SH3TC2: variants seen among roughly 807,000 people sequenced by gnomAD.
SH3TC2 encodes SH3 domain and tetratricopeptide repeat-containing protein 2.
A neutral mutation model predicts 124.5 loss-of-function variants in SH3TC2; 87 were observed. The observed-to-expected ratio is 0.70, with a 90% CI of 0.59 to 0.84. The LOEUF (loss-of-function observed/expected upper bound fraction) is 0.84, where lower values mean the gene tolerates loss of function less well. SH3TC2 is among the 40% of genes least tolerant of loss of function. SH3TC2 has a pLI of 0.00. For missense variants in SH3TC2, 1,536 were observed against 1,566.4 expected, an observed-to-expected ratio of 0.98 and a Z score of 0.33; for synonymous variants, 634 against 628.5, an observed-to-expected ratio of 1.01 and a Z score of -0.13.
chr5:149,012,979 T>C (rs1198653823), intron 12 of SH3TC2, among the ~76,000 whole-genome samples: 2 of 152,170 alleles, frequency 1.3e-5, no homozygotes, highest in Middle Eastern at 3.2e-3. Context: ...CCTGAGCGGA[T>C]TGTTGTGAGG....
chr5:149,046,434 G>A (rs1369579699), intron 3 of SH3TC2: 1 of 152,182 alleles, frequency 6.6e-6, no homozygotes, highest in East Asian at 1.9e-4. Context: ...AAAAGATAAG[G>A]AAGTATGTCA....
rs1308810375 is a variant in SH3TC2 at position 148,998,742 on chromosome 5, G to A, written c.*5969C>T. Among the ~76,000 whole-genome samples the A allele has an allele frequency of 6.6e-6, 1 of 152,152 alleles. No individual in the cohort carries two copies. The highest frequency in any genetic ancestry group is 1.5e-5 in the Non-Finnish European group (1 of 68,030). The stretch of plus-strand genomic sequence containing the variant: ...CAGTCACTTGTCTCTGCTTCTCTGG[G>A]GAGAAGACACCCCTTAGAGGAGGGT... On this transcript the variant is annotated 3_prime_UTR_variant, in exon 17 of 17. Coordinates refer to ENST00000515425, the MANE Select transcript of SH3TC2 (RefSeq NM_024577.4).
chr5:149,034,064 TGAA>T (rs971490029), intron 8 of SH3TC2, among the ~76,000 whole-genome samples: 17 of 151,820 alleles, frequency 1.1e-4, no homozygotes, highest in Admixed American at 7.9e-4. Context: ...GACAATAATC[TGAA>T]GAAGAATTTA....
rs534900010 is a variant in SH3TC2 at position 148,997,053 on chromosome 5, T to G, written c.*7658A>C. Among the ~76,000 whole-genome samples the G allele has an allele frequency of 2.6e-5, 4 of 152,352 alleles. No homozygotes were observed. The highest frequency in any genetic ancestry group is 5.9e-5 in the Non-Finnish European group (4 of 68,032). On this transcript the variant is annotated 3_prime_UTR_variant, in exon 17 of 17. Transcript: ENST00000515425. ...AAAGCATCTGTACATGAACATGGGC[T>G]CTTCCCAGGCTATTTGTTTTGCAAC... is the stretch of plus-strand genomic sequence containing the variant.
intron 12 of SH3TC2, among the ~76,000 whole-genome samples, chr5:149,018,059 T>C (rs78013255): frequency 0.17 from 25,625 of 152,254 alleles, 2,513 homozygotes; most frequent in East Asian, 0.25. Flanking sequence ...TTGCTAACCC[T>C]GCTCTAGATA....
At chr5:149,015,707 C>T (rs569185449) in intron 12 of SH3TC2, among the ~76,000 whole-genome samples, 42 of 152,328 alleles carry the variant, frequency 2.8e-4, no homozygotes, top group African/African-American at 9.6e-4. Flanking sequence ...CATTTCCAGA[C>T]TTCCTCTTAC....
chr5:149,059,757 A>G (rs975021839), intron 1 of SH3TC2, among the ~76,000 whole-genome samples: 1 of 152,214 alleles, frequency 6.6e-6, no homozygotes, highest in Non-Finnish European at 1.5e-5. Flanking sequence ...AAAGCACATA[A>G]CCATTGAATT....
Position 149,026,670 on chromosome 5 carries a change from C to T in SH3TC2, c.2955G>A (p.Glu985=), listed in dbSNP as rs757155110. 1.9e-6 allele frequency: 3 copies of T among 1,614,192 alleles called. No individual in the cohort carries two copies. Among genetic ancestry groups the T allele is most frequent in the South Asian group, 2.2e-5 (2 of 91,080 alleles). ...PNPEACITYH[E]HWLALAQQLR... The stretch of plus-strand genomic sequence containing the variant: ...GTTGCTGAGCCAGGGCCAGCCAGTG[C>T]TCATGGTAGGTGATGCATGCCTCAG... Residue 985 remains glutamate (E), a synonymous_variant, in exon 12 of 17, where the codon GAG becomes GAA. Coordinates refer to ENST00000515425, the MANE Select transcript of SH3TC2 (RefSeq NM_024577.4).
At chr5:149,056,513 A>C (rs1754650710) in intron 1 of SH3TC2, among the ~76,000 whole-genome samples, 1 of 152,128 alleles carries the variant, frequency 6.6e-6, no homozygotes, top group Non-Finnish European at 1.5e-5. Flanking sequence ...TGAAAAGCTG[A>C]ATTTTATAAT....
rs56088659 is a variant in SH3TC2, at chr5:149,020,113, AACACAC to A, written c.3053+6453_3053+6458del. 2.9e-4 allele frequency among the ~76,000 whole-genome samples: 42 copies of A among 146,908 alleles called. 1 individual carries two copies. In the East Asian group the frequency reaches 6.1e-3, roughly 21 times the overall value. ...ATGTGGAGCAAACAAGAAAAGGTCA[AACACAC>A]ACACACACACACACACACACACACT... On this transcript the variant is annotated intron_variant, in intron 12 of 16. Transcript: ENST00000515425.
At chr5:149,041,385 A>T in intron 6 of SH3TC2, 31 bp downstream of exon 6, 6 of 1,609,344 alleles carry the variant, frequency 3.7e-6, no homozygotes, top group Non-Finnish European at 5.1e-6. Context: ...CTGCTCTGGG[A>T]CTTGCTCCCA....
chr5:149,040,705 A>G (rs1157957366), intron 6 of SH3TC2, 28 bp from the exon 7 acceptor site: 10 of 1,603,394 alleles, frequency 6.2e-6, no homozygotes, highest in Non-Finnish European at 8.5e-6. Context: ...GGGTTTGCAA[A>G]CACAGATTTC....
intron 12 of SH3TC2, among the ~76,000 whole-genome samples, chr5:149,014,445 G>C (rs1340732070): frequency 6.6e-6 from 1 of 152,156 alleles, no homozygotes; most frequent in Non-Finnish European, 1.5e-5. Flanking sequence ...GGACCTCTCA[G>C]CCACCAGGCC....
Position 149,038,301 on chromosome 5 carries a change from G to T in SH3TC2, c.995C>A (p.Ser332Tyr), listed in dbSNP as rs1440869451. 4.3e-6 allele frequency: 7 copies of T among 1,613,762 alleles called. No homozygotes were observed. The highest frequency in any genetic ancestry group is 5.9e-6 in the Non-Finnish European group (7 of 1,179,796). The change falls in exon 8 of 17, where the codon TCC becomes TAC. Residue 332 changes from serine (S) to tyrosine (Y), a missense_variant. By Grantham distance (144) the Ser-to-Tyr change is moderately radical. Transcript: ENST00000515425. ...GCTCACTGTCAATACTCACATTGGGGAATAAGAATCAGGATCTATGTTCCT... is the reference window on the plus strand; with the variant it reads ...GCTCACTGTCAATACTCACATTGGGTAATAAGAATCAGGATCTATGTTCCT... ...PTRNIDPDSY[S>Y]PMSRNSAFLS...
intron 1 of SH3TC2, among the ~76,000 whole-genome samples, chr5:149,060,017 C>T (rs1383474049): frequency 7.9e-5 from 12 of 152,144 alleles, no homozygotes; most frequent in Admixed American, 6.5e-4. Context: ...AAAAGTGAAG[C>T]ATCATTTACT....
In SH3TC2 at chr5:149,026,674, T is replaced by C. The variant is rs978452363; in HGVS notation, c.2951A>G (p.His984Arg). ...SPNPEACITYHEHWLALAQQL... is the reference protein window; with the variant it reads ...SPNPEACITYREHWLALAQQL... ...CTGAGCCAGGGCCAGCCAGTGCTCATGGTAGGTGATGCATGCCTCAGGGTT... is the reference window on the plus strand; with the variant it reads ...CTGAGCCAGGGCCAGCCAGTGCTCACGGTAGGTGATGCATGCCTCAGGGTT... The change falls in exon 12 of 17, where the codon CAT becomes CGT. Residue 984 changes from histidine to arginine, a missense_variant. By Grantham distance (29) the His-to-Arg change is conservative. Around this residue, in one of 3 missense-constraint regions of SH3TC2, gnomAD observed 426 missense variants for 443.5 expected, o/e 0.96. Transcript: ENST00000515425. 7 of 1,613,976 alleles carry C rather than the reference T, an allele frequency of 4.3e-6. No individual in the cohort carries two copies. Among genetic ancestry groups the C allele is most frequent in the African/African-American group, 1.3e-5 (1 of 74,890 alleles).
rs1372544336 is a variant in SH3TC2, at chr5:149,004,502, C to T, written c.*209G>A. ...ACCGGTAAAGGCTCCAGATGCAAAG[C>T]CTGGAACCAGGAATTCTCATCGCTG... On this transcript the variant is annotated 3_prime_UTR_variant, in exon 17 of 17. Coordinates refer to ENST00000515425, the MANE Select transcript of SH3TC2 (RefSeq NM_024577.4). 8 of 601,842 alleles carry T rather than the reference C, an allele frequency of 1.3e-5. No homozygotes were observed. Among genetic ancestry groups the T allele is most frequent in the Non-Finnish European group, 2.3e-5 (8 of 344,862 alleles). 37.3% of individuals were successfully genotyped at this position (601,842 alleles called of 1,614,324 possible).
rs1481210887 is a variant in SH3TC2, at chr5:148,984,543, G to A, written c.*20168C>T. On this transcript the variant is annotated 3_prime_UTR_variant, in exon 17 of 17. Transcript: ENST00000515425. ...GGAAGAGGGAAAAGGTGAAAATTGA[G>A]CATTCCTTGACTAAGTCGAAACCCC... 6.6e-6 allele frequency among the ~76,000 whole-genome samples: 1 copy of A among 152,066 alleles called. No homozygotes were observed. Among genetic ancestry groups the A allele is most frequent in the Non-Finnish European group, 1.5e-5 (1 of 68,026 alleles).
At chr5:149,021,343 A>G (rs1266504691) in intron 12 of SH3TC2, among the ~76,000 whole-genome samples, 1 of 152,152 alleles carries the variant, frequency 6.6e-6, no homozygotes, top group Admixed American at 6.5e-5. Flanking sequence ...AAAAATCTCA[A>G]ATCAATACCT....
Sources: gnomAD v4.1 joint callset for allele counts (sites outside exome capture counted in the v4.1 genomes callset) on GRCh38, gnomAD v4.1.1 for gene constraint, gnomAD v4.1.1 regional missense constraint, MANE v1.5 for transcripts, NCBI Gene and HGNC (gene_info 2026-07-23, HGNC 2026-07-21) for gene names.